Variants in ATXN2 observed in about 807,000 individuals in gnomAD.
ATXN2 encodes ataxin-2.
ATXN2 carries 37 observed loss-of-function variants against 138.6 expected under a neutral mutation model. That is an observed-to-expected ratio of 0.27 (90% CI 0.21 to 0.35). The LOEUF is 0.35. ATXN2 is among the 10% of genes least tolerant of loss of function. The probability of loss-of-function intolerance (pLI) is 1.00; values close to 1 mark genes in which losing one functional copy is unlikely to be tolerated. For missense variants in ATXN2, 1,216 were observed against 1,480.3 expected (o/e 0.82, Z 2.93); for synonymous variants, 549 against 543.7 (o/e 1.01, Z -0.13).
Position 111,452,217 on chromosome 12 carries a change from G to A in ATXN2, c.*595C>T, listed in dbSNP as rs1474849233. The A allele has an allele frequency of 6.6e-6, 1 of 152,230 alleles. No individual in the cohort carries two copies. The highest frequency in any genetic ancestry group is 1.5e-5 in the Non-Finnish European group (1 of 68,008). The allele number at this position is 152,230 out of a possible 1,614,324, so 9.4% of individuals were successfully genotyped here. A position where few individuals can be genotyped will look rare whatever the true frequency, so the allele number is the denominator to read the frequency against. On this transcript the variant is annotated 3_prime_UTR_variant, in exon 25 of 25. Coordinates refer to ENST00000673436, the MANE Select transcript of ATXN2 (RefSeq NM_001372574.1). ...ATACAGACACACACTAACTTGATCA[G>A]TTTTTAAAACTTTTTTTATTTTTTA...
chr12:111,520,756 A>G (rs1436885917), intron 7 of ATXN2, 126 bp downstream of exon 7: 2 of 584,652 alleles, frequency 3.4e-6, no homozygotes, highest in Non-Finnish European at 5.7e-6. Context: ...ACAGTTGGTA[A>G]TAAGAGAAAA....
At chr12:111,593,168 C>T (rs1592939575) in intron 1 of ATXN2, among the ~76,000 whole-genome samples, 1 of 151,928 alleles carries the variant, frequency 6.6e-6, no homozygotes. Context: ...CTGCAACCTC[C>T]GCACTCATTG....
At chr12:111,532,911 AC>A (rs1880919919) in intron 5 of ATXN2, among the ~76,000 whole-genome samples, 1 of 152,050 alleles carries the variant, frequency 6.6e-6, no homozygotes, top group South Asian at 2.1e-4. Context: ...AGAGCTGGAA[AC>A]CCTACATTCC....
chr12:111,473,764 G>GA (rs10710242), intron 18 of ATXN2, among the ~76,000 whole-genome samples: 338 of 139,808 alleles, frequency 2.4e-3, no homozygotes, highest in Non-Finnish European at 3.5e-3. Flanking sequence ...AAACATTGGG[G>GA]AAAAAAAAAA....
chr12:111,501,157 A>C (rs1215702555), intron 14 of ATXN2, among the ~76,000 whole-genome samples: 1 of 152,210 alleles, frequency 6.6e-6, no homozygotes, highest in East Asian at 1.9e-4. Context: ...CCCATAAAAA[A>C]ATAAAAACCT....
At chr12:111,565,753 T>G (rs1210055976) in intron 1 of ATXN2, among the ~76,000 whole-genome samples, 1 of 152,128 alleles carries the variant, frequency 6.6e-6, no homozygotes, top group East Asian at 1.9e-4. Flanking sequence ...CCCAGCACTT[T>G]GGGAGGCCAA....
chr12:111,471,070 A>G (rs1475800698), intron 18 of ATXN2: 2 of 233,098 alleles, frequency 8.6e-6, no homozygotes, highest in African/African-American at 2.2e-5. Context: ...GCATTATGAA[A>G]TCGCTTCTCA....
In ATXN2 at chr12:111,452,697, C is replaced by A. The variant is rs762115985; in HGVS notation, c.*115G>T. The A allele has an allele frequency of 3.3e-6, 4 of 1,199,682 alleles. No homozygotes were observed. The highest frequency in any genetic ancestry group is 4.9e-6 in the Non-Finnish European group (4 of 811,256). 74.3% of individuals were successfully genotyped at this position (1,199,682 alleles called of 1,614,324 possible). On this transcript the variant is annotated 3_prime_UTR_variant, in exon 25 of 25. Transcript: ENST00000673436. Reference sequence around the variant, plus strand: ...ATTCCTATTGGATGTTACAAGAAATCAACATATATATTTTAAAAACAAAAT... The same window carrying A: ...ATTCCTATTGGATGTTACAAGAAATAAACATATATATTTTAAAAACAAAAT...
intron 5 of ATXN2, among the ~76,000 whole-genome samples, chr12:111,549,490 C>T (rs975648051): frequency 4.0e-5 from 6 of 150,670 alleles, no homozygotes; most frequent in African/African-American, 1.5e-4. Context: ...GAGCCGAGAT[C>T]GCACCACTGC....
At chr12:111,587,092 AAG>A (rs1555245046) in intron 1 of ATXN2, among the ~76,000 whole-genome samples, 3 of 150,464 alleles carry the variant, frequency 2.0e-5, no homozygotes, top group Non-Finnish European at 4.4e-5. Flanking sequence ...AAAAAAAAAA[AAG>A]AACTCCCCTT....
At chr12:111,599,619 C>T (rs183529795), upstream of ATXN2, 12 of 1,074,628 alleles carry the variant, frequency 1.1e-5, no homozygotes, top group Non-Finnish European at 1.4e-5. Context: ...GAGGTGGCCC[C>T]GGGGCCGGGA....
intron 5 of ATXN2, among the ~76,000 whole-genome samples, chr12:111,526,834 A>G (rs1189809532): frequency 6.6e-6 from 1 of 152,216 alleles, no homozygotes; most frequent in East Asian, 1.9e-4. Flanking sequence ...ATATCCCAGC[A>G]AACTCTTGCC....
In ATXN2 at chr12:111,549,900, A is replaced by G. The variant is rs181213494; in HGVS notation, c.571+2380T>C. Among the ~76,000 whole-genome samples, 4 of 152,170 alleles carry G rather than the reference A, an allele frequency of 2.6e-5. No homozygotes were observed. In the East Asian group the frequency reaches 7.8e-4, roughly 30 times the overall value. On this transcript the variant is annotated intron_variant, in intron 5 of 24. Transcript: ENST00000673436. ...AACATAGTGAAACCCCGTCTCTACT[A>G]AAAATACAAAAATTAGCCGGGCATG...
chr12:111,587,078 A>C (rs1461462746), intron 1 of ATXN2, among the ~76,000 whole-genome samples: 2 of 149,146 alleles, frequency 1.3e-5, no homozygotes, highest in African/African-American at 4.9e-5. Context: ...TCTACCAAAA[A>C]AAAAAAAAAA....
chr12:111,514,469 C>T (rs749563243), intron 10 of ATXN2, among the ~76,000 whole-genome samples: 2 of 152,160 alleles, frequency 1.3e-5, no homozygotes, highest in Non-Finnish European at 2.9e-5. Context: ...CTCTCTCACC[C>T]GGCTGCCAAA....
intron 1 of ATXN2, among the ~76,000 whole-genome samples, chr12:111,573,384 C>T (rs1241974169): frequency 1.3e-5 from 2 of 151,924 alleles, no homozygotes; most frequent in South Asian, 4.2e-4. Context: ...TTAGTAGAGA[C>T]GGAGTTTTGT....
intron 5 of ATXN2, among the ~76,000 whole-genome samples, chr12:111,532,702 C>T (rs897506027): frequency 6.6e-6 from 1 of 152,088 alleles, no homozygotes; most frequent in African/African-American, 2.4e-5. Flanking sequence ...CCTGAATTCT[C>T]TCCACAAATT....
chr12:111,545,513 G>A (rs757062312), intron 5 of ATXN2, among the ~76,000 whole-genome samples: 1 of 151,534 alleles, frequency 6.6e-6, no homozygotes, highest in Non-Finnish European at 1.5e-5. Context: ...GCAGTGAGCT[G>A]AAATCACGCC....
chr12:111,464,731 AG>A lies in ATXN2; in HGVS notation c.2843-17del. On this transcript the variant is annotated splice_polypyrimidine_tract_variant and intron_variant, in intron 20 of 24. Transcript: ENST00000673436. ...TTGGGACATGCTGAATTTGGGAAAT[AG>A]AAAGGTAAATTAGCCTTTTGAGGTG... is the stretch of plus-strand genomic sequence containing the variant. 1 of 1,605,078 alleles carries A rather than the reference AG, an allele frequency of 6.2e-7. No individual in the cohort carries two copies. The highest frequency in any genetic ancestry group is 8.5e-7 in the Non-Finnish European group (1 of 1,172,414).
Sources: gnomAD v4.1 joint callset for allele counts (sites outside exome capture counted in the v4.1 genomes callset) on GRCh38, gnomAD v4.1.1 for gene constraint, MANE v1.5 for transcripts, NCBI Gene and HGNC (gene_info 2026-07-23, HGNC 2026-07-21) for gene names.